NOL4L: variants seen among roughly 807,000 people sequenced by gnomAD.
NOL4L encodes nucleolar protein 4 like, also known as nucleolar protein 4-like.
In NOL4L, 7 loss-of-function variants were observed where a neutral mutation model predicts 64.5. That is an observed-to-expected ratio of 0.11 (90% CI 0.06 to 0.20). NOL4L has a LOEUF of 0.20. NOL4L is among the 10% of genes least tolerant of loss of function. The pLI, the probability that NOL4L is intolerant of heterozygous loss-of-function variation, is 1.00. For synonymous variants in NOL4L, 413 were observed against 401.0 expected (o/e 1.03, Z -0.36); for missense variants, 680 against 967.1 (o/e 0.70, Z 3.94).
At chr20:32,479,230 TACACCCAAGTCCAGAGGGCC>T (rs1175815824) in intron 4 of NOL4L, among the ~76,000 whole-genome samples, 2 of 152,140 alleles carry the variant, frequency 1.3e-5, no homozygotes, top group African/African-American at 2.4e-5. Flanking sequence ...AGGGGGAAAA[TACACCCAAGTCCAGAGGGCC>T]ATGCTGGAGG....
chr20:32,474,961 C>T, intron 4 of NOL4L: 1 of 985,316 alleles, frequency 1.0e-6, no homozygotes, highest in Non-Finnish European at 1.2e-6. Context: ...TAAGGGCCGG[C>T]ACTGTCTGTA....
At chr20:32,569,561 G>A (rs1246296032) in intron 1 of NOL4L, among the ~76,000 whole-genome samples, 1 of 152,122 alleles carries the variant, frequency 6.6e-6, no homozygotes, top group Non-Finnish European at 1.5e-5. Context: ...CTGGGAAAGG[G>A]GGGCTCAGAG....
At chr20:32,540,526 C>T (rs2018635993) in intron 1 of NOL4L, among the ~76,000 whole-genome samples, 1 of 152,196 alleles carries the variant, frequency 6.6e-6, no homozygotes, top group South Asian at 2.1e-4. Flanking sequence ...GGCCCCCACA[C>T]CTGCCCAGCA....
chr20:32,540,488 A>G (rs576657308), intron 1 of NOL4L, among the ~76,000 whole-genome samples: 1 of 152,232 alleles, frequency 6.6e-6, no homozygotes, highest in African/African-American at 2.4e-5. Context: ...ACACAGCTTC[A>G]CACATGTACA....
intron 3 of NOL4L, among the ~76,000 whole-genome samples, chr20:32,517,513 G>A (rs1416057555): frequency 2.6e-5 from 4 of 152,216 alleles, no homozygotes; most frequent in East Asian, 1.9e-4. Context: ...TCCAGGAGGC[G>A]AATGCCTCTG....
At chr20:32,551,234 G>C (rs372897102) in intron 1 of NOL4L, among the ~76,000 whole-genome samples, 4 of 151,788 alleles carry the variant, frequency 2.6e-5, no homozygotes, top group African/African-American at 9.7e-5. Flanking sequence ...AAATTAGCCG[G>C]GCGTGATGGT....
chr20:32,572,957 C>T (rs1414199620), intron 1 of NOL4L, among the ~76,000 whole-genome samples: 6 of 152,172 alleles, frequency 3.9e-5, no homozygotes, highest in East Asian at 1.9e-4. Context: ...TTCTTGTTTC[C>T]GATGCTGAGC....
At chr20:32,563,248 T>A (rs1414858536) in intron 1 of NOL4L, among the ~76,000 whole-genome samples, 1 of 38,572 alleles carries the variant, frequency 2.6e-5, no homozygotes, top group Non-Finnish European at 4.9e-5. Flanking sequence ...GGAGGGAGGG[T>A]GGAGGTCAGG....
chr20:32,554,528 G>C (rs1413742230), intron 1 of NOL4L, among the ~76,000 whole-genome samples: 1 of 152,130 alleles, frequency 6.6e-6, no homozygotes, highest in East Asian at 1.9e-4. Flanking sequence ...TGTTGTGTGG[G>C]GGGAGGGTGG....
chr20:32,478,198 C>CA (rs781423245), intron 4 of NOL4L, among the ~76,000 whole-genome samples: 33 of 151,866 alleles, frequency 2.2e-4, no homozygotes, highest in Non-Finnish European at 3.8e-4. Context: ...CCAAGTGTCT[C>CA]AAGATGAGGC....
At chr20:32,480,659 G>C (rs894935799) in intron 4 of NOL4L, among the ~76,000 whole-genome samples, 1 of 152,206 alleles carries the variant, frequency 6.6e-6, no homozygotes, top group African/African-American at 2.4e-5. Flanking sequence ...AGCATGCCAA[G>C]AAGGTACTGA....
At chr20:32,582,935 G>C (rs1980575960) in intron 1 of NOL4L, among the ~76,000 whole-genome samples, 1 of 151,990 alleles carries the variant, frequency 6.6e-6, no homozygotes, top group Admixed American at 6.5e-5. Flanking sequence ...AGGGGTCCTG[G>C]ACTCGATCGG....
At chr20:32,467,461 G>A (rs1246224256) in intron 5 of NOL4L, among the ~76,000 whole-genome samples, 1 of 152,188 alleles carries the variant, frequency 6.6e-6, no homozygotes, top group Non-Finnish European at 1.5e-5. Flanking sequence ...GGCGGTGGTT[G>A]GGAGCTGAGA....
chr20:32,468,487 T>A (rs1254055022), intron 5 of NOL4L, among the ~76,000 whole-genome samples: 1 of 152,100 alleles, frequency 6.6e-6, no homozygotes, highest in Non-Finnish European at 1.5e-5. Context: ...AGTGACTCAG[T>A]GGCCGTTGGT....
intron 3 of NOL4L, among the ~76,000 whole-genome samples, chr20:32,514,788 T>C (rs2017576912): frequency 6.6e-6 from 1 of 151,992 alleles, no homozygotes; most frequent in Non-Finnish European, 1.5e-5. Context: ...GAGCCGTGGG[T>C]CCTGTTTTCA....
At chr20:32,572,728 C>A (rs1979830292) in intron 1 of NOL4L, among the ~76,000 whole-genome samples, 1 of 152,166 alleles carries the variant, frequency 6.6e-6, no homozygotes, top group African/African-American at 2.4e-5. Context: ...TCCTCCAGAT[C>A]TGGGGGCTGG....
intron 4 of NOL4L, among the ~76,000 whole-genome samples, chr20:32,486,133 T>C (rs1422733386): frequency 2.6e-5 from 4 of 152,238 alleles, no homozygotes; most frequent in Non-Finnish European, 5.9e-5. Context: ...TGAGTTTTCA[T>C]GTGTGTGTGC....
chr20:32,566,431 C>T (rs1979435029), intron 1 of NOL4L, among the ~76,000 whole-genome samples: 1 of 152,154 alleles, frequency 6.6e-6, no homozygotes, highest in African/African-American at 2.4e-5. Context: ...GCATCACTGA[C>T]TCCCGTGGGG....
intron 4 of NOL4L, among the ~76,000 whole-genome samples, chr20:32,490,292 G>A (rs1033272202): frequency 6.6e-6 from 1 of 152,016 alleles, no homozygotes; most frequent in African/African-American, 2.4e-5. Context: ...CAGCCAAGGG[G>A]TACTCTAGGT....
Sources: gnomAD v4.1 joint callset for allele counts (sites outside exome capture counted in the v4.1 genomes callset) on GRCh38, gnomAD v4.1.1 for gene constraint, MANE v1.5 for transcripts, NCBI Gene and HGNC (gene_info 2026-07-23, HGNC 2026-07-21) for gene names.